Variants in AOAH observed in about 807,000 individuals in gnomAD.
AOAH encodes acyloxyacyl hydrolase (neutrophil).
Under a neutral mutation model 92.2 loss-of-function variants are expected in AOAH, and 64 were observed. The ratio of observed to expected loss-of-function variants is 0.69; its 90% CI spans 0.57 to 0.86. The LOEUF (loss-of-function observed/expected upper bound fraction) is 0.86. Among genes scored for constraint, AOAH ranks in the 40% least tolerant of loss-of-function variants. The pLI is 0.00. For missense variants in AOAH, 656 were observed against 694.6 expected, an observed-to-expected ratio of 0.94 and a Z score of 0.62; for synonymous variants, 263 against 254.5, an observed-to-expected ratio of 1.03 and a Z score of -0.32.
At chr7:36,722,122 C>A (rs1020556720) in intron 1 of AOAH, among the ~76,000 whole-genome samples, 1 of 152,166 alleles carries the variant, frequency 6.6e-6, no homozygotes, top group African/African-American at 2.4e-5. Context: ...CACCTCCTAA[C>A]CTCGGTCACT....
chr7:36,519,320 C>T (rs562719190), intron 20 of AOAH, among the ~76,000 whole-genome samples: 4 of 152,392 alleles, frequency 2.6e-5, no homozygotes, highest in Admixed American at 1.3e-4. Flanking sequence ...CTTTCATATT[C>T]AGGTCTTTGC....
At chr7:36,548,181 G>A (rs1562556689) in intron 15 of AOAH, among the ~76,000 whole-genome samples, 2 of 152,086 alleles carry the variant, frequency 1.3e-5, no homozygotes, top group Non-Finnish European at 1.5e-5. Context: ...GATTTCACAC[G>A]TGTCTAGGAC....
chr7:36,556,500 C>A (rs1786725007), intron 13 of AOAH, among the ~76,000 whole-genome samples: 1 of 151,794 alleles, frequency 6.6e-6, no homozygotes, highest in South Asian at 2.1e-4. Flanking sequence ...TTTATTAGGT[C>A]CACTTGGTGC....
In AOAH at chr7:36,628,731, C is replaced by T. The variant is rs117941093; in HGVS notation, c.521+3305G>A. ...GCATTAGACCGAATGGGACGGAGGG[C>T]AGGGAGAGGCACTGGGCAGGTAAGG... On this transcript the variant is annotated intron_variant, in intron 6 of 20. Coordinates refer to ENST00000617537, the MANE Select transcript of AOAH (RefSeq NM_001637.4). Among the ~76,000 whole-genome samples the T allele has an allele frequency of 5.2e-4, 79 of 152,264 alleles. 1 individual carries two copies. The East Asian group carries it at 0.013, about 26-fold the overall frequency.
rs559693567 is a variant in AOAH, at chr7:36,520,964, G to A, written c.1599+1075C>T. 7.2e-5 allele frequency among the ~76,000 whole-genome samples: 11 copies of A among 152,266 alleles called. 1 individual carries two copies. The highest frequency in any genetic ancestry group is 2.1e-4 in the South Asian group (1 of 4,824). On this transcript the variant is annotated intron_variant, in intron 20 of 20. Coordinates refer to ENST00000617537, the MANE Select transcript of AOAH (RefSeq NM_001637.4). Reference sequence around the variant, plus strand: ...AAAATTTGCTCAGCATTTGTGGGACGCCACTTTTACTCATTTGTTGGGGAG... The same window carrying A: ...AAAATTTGCTCAGCATTTGTGGGACACCACTTTTACTCATTTGTTGGGGAG...
chr7:36,548,513 G>A (rs1785954731), intron 15 of AOAH, 99 bp downstream of exon 15: 2 of 1,017,332 alleles, frequency 2.0e-6, no homozygotes, highest in Admixed American at 1.8e-5. Context: ...AAATTCAGCT[G>A]AACAGCAGGC....
chr7:36,521,672 TTTC>T lies in AOAH; in HGVS notation c.1599+364_1599+366del, dbSNP rs1204814253. ...AATCCTCGTCATTTTCCTCCTTTTC[TTTC>T]TTCCTTTTTTTTTTTTTGGAGTGCT... On this transcript the variant is annotated intron_variant, in intron 20 of 20. Coordinates refer to ENST00000617537, the MANE Select transcript of AOAH (RefSeq NM_001637.4). Among the ~76,000 whole-genome samples the T allele has an allele frequency of 2.6e-5, 4 of 151,878 alleles. No individual in the cohort carries two copies. In the South Asian group the frequency reaches 8.3e-4, roughly 31 times the overall value.
intron 1 of AOAH, among the ~76,000 whole-genome samples, chr7:36,716,938 C>T (rs1000148646): frequency 2.7e-5 from 4 of 150,772 alleles, no homozygotes; most frequent in Non-Finnish European, 5.9e-5. Flanking sequence ...CAAACCTGCA[C>T]GTTGTGCACA....
intron 3 of AOAH, among the ~76,000 whole-genome samples, chr7:36,671,929 T>A (rs1795964837): frequency 6.6e-6 from 1 of 152,162 alleles, no homozygotes; most frequent in East Asian, 1.9e-4. Context: ...CCAGAGGATG[T>A]GAAGACTTCG....
intron 3 of AOAH, among the ~76,000 whole-genome samples, chr7:36,659,858 T>C (rs1024081944): frequency 2.2e-4 from 33 of 150,632 alleles, no homozygotes; most frequent in African/African-American, 6.1e-4. Flanking sequence ...TCCGTCTAGA[T>C]GGCCTGCAGG....
At chr7:36,551,268 T>G (rs1235312728) in intron 13 of AOAH, among the ~76,000 whole-genome samples, 1 of 152,024 alleles carries the variant, frequency 6.6e-6, no homozygotes, top group African/African-American at 2.4e-5. Flanking sequence ...GAGATGGGGT[T>G]TCACCATGTT....
chr7:36,662,945 C>T (rs1342424049), intron 3 of AOAH, among the ~76,000 whole-genome samples: 1 of 152,158 alleles, frequency 6.6e-6, no homozygotes, highest in African/African-American at 2.4e-5. Context: ...TAAATCCACA[C>T]AAATTTAAAA....
chr7:36,624,824 C>T (rs1562633684), intron 6 of AOAH, among the ~76,000 whole-genome samples: 1 of 152,214 alleles, frequency 6.6e-6, no homozygotes, highest in Non-Finnish European at 1.5e-5. Flanking sequence ...CAAGTGGCCT[C>T]CCAAGCCTGA....
intron 20 of AOAH, among the ~76,000 whole-genome samples, chr7:36,517,214 C>CTTTCTTTCTTTTTT (rs59205788): frequency 9.5e-6 from 1 of 104,830 alleles, no homozygotes; most frequent in Non-Finnish European, 1.9e-5. Flanking sequence ...TTCTTTCTTT[C>CTTTCTTTCTTTTTT]TCTTTCTTTC....
chr7:36,530,342 G>A lies in AOAH; in HGVS notation c.1522+76C>T. 8 of 1,055,800 alleles carry A rather than the reference G, an allele frequency of 7.6e-6. No homozygotes were observed. In the East Asian group the frequency reaches 1.7e-4, roughly 22 times the overall value. 65.4% of individuals were successfully genotyped at this position (1,055,800 alleles called of 1,614,324 possible). A position where few individuals can be genotyped will look rare whatever the true frequency, so the allele number is the denominator to read the frequency against. ...ATCTGCTGCCTGGTGGCTTATAAAA[G>A]TATAAAACCAGTTGCCCAGGCCCTA... On this transcript the variant is annotated intron_variant, in intron 19 of 20. Coordinates refer to ENST00000617537, the MANE Select transcript of AOAH (RefSeq NM_001637.4).
At chr7:36,540,261 C>T (rs1785331575) in intron 16 of AOAH, 58 bp downstream of exon 16, 3 of 1,448,904 alleles carry the variant, frequency 2.1e-6, no homozygotes, top group African/African-American at 1.4e-5. Flanking sequence ...ACCATATATA[C>T]ATTGAACTGT....
At chr7:36,606,294 GAT>G (rs907845014) in intron 11 of AOAH, among the ~76,000 whole-genome samples, 2 of 152,158 alleles carry the variant, frequency 1.3e-5, no homozygotes, top group Non-Finnish European at 2.9e-5. Flanking sequence ...AGCCAAATCT[GAT>G]ATACAAAATC....
intron 4 of AOAH, among the ~76,000 whole-genome samples, chr7:36,651,097 G>C (rs1794549860): frequency 6.6e-6 from 1 of 152,210 alleles, no homozygotes; most frequent in South Asian, 2.1e-4. Flanking sequence ...CTCCACTCCT[G>C]TTCCCTCCAG....
intron 1 of AOAH, among the ~76,000 whole-genome samples, chr7:36,716,476 T>C (rs1444913541): frequency 6.7e-6 from 1 of 149,508 alleles, no homozygotes; most frequent in Non-Finnish European, 1.5e-5. Context: ...TTACTGGGTA[T>C]ACATCCAAAG....
Sources: gnomAD v4.1 joint callset for allele counts (sites outside exome capture counted in the v4.1 genomes callset) on GRCh38, gnomAD v4.1.1 for gene constraint, MANE v1.5 for transcripts, NCBI Gene and HGNC (gene_info 2026-07-23, HGNC 2026-07-21) for gene names.